SUSD5: variants seen among roughly 807,000 people sequenced by gnomAD.
SUSD5 encodes sushi domain containing 5, also known as sushi domain-containing protein 5.
SUSD5 carries 33 observed loss-of-function variants against 29.5 expected under a neutral mutation model. That is an observed-to-expected ratio of 1.12 (90% CI 0.85 to 1.49). The LOEUF is 1.49. SUSD5 is among the 40% of genes most tolerant of loss of function. The pLI, the probability that SUSD5 is intolerant of heterozygous loss-of-function variation, is 0.00. For missense variants in SUSD5, 776 were observed against 800.6 expected, an observed-to-expected ratio of 0.97 and a Z score of 0.37; for synonymous variants, 308 against 325.3, an observed-to-expected ratio of 0.95 and a Z score of 0.57.
chr3:33,176,216 A>G (rs2031549243), intron 3 of SUSD5, among the ~76,000 whole-genome samples: 2 of 152,174 alleles, frequency 1.3e-5, no homozygotes, highest in African/African-American at 4.8e-5. Context: ...CATTGTCTGG[A>G]TGTATCACAG....
intron 3 of SUSD5, among the ~76,000 whole-genome samples, chr3:33,200,857 T>C (rs2032103614): frequency 3.3e-5 from 5 of 152,190 alleles, no homozygotes; most frequent in Admixed American, 3.3e-4. Flanking sequence ...AGGCAGAACT[T>C]GCAAGCCATG....
chr3:33,153,493 G>T lies in SUSD5; in HGVS notation c.1139C>A (p.Ala380Asp), dbSNP rs1201117710. 5.0e-6 allele frequency: 8 copies of T among 1,613,822 alleles called. No individual in the cohort carries two copies. The highest frequency in any genetic ancestry group is 6.8e-6 in the Non-Finnish European group (8 of 1,179,956). The change falls in exon 5 of 5, where the codon GCT becomes GAT. Residue 380 changes from alanine (A) to aspartate (D), a missense_variant. Coordinates refer to ENST00000309558, the MANE Select transcript of SUSD5 (RefSeq NM_015551.2). ...CTCTTCTGCCTCTGTCTTCCTCCAAGCCCCCTCTGTCACAGGGTAGCCATC... is the reference window on the plus strand; with the variant it reads ...CTCTTCTGCCTCTGTCTTCCTCCAATCCCCCTCTGTCACAGGGTAGCCATC... Reference protein sequence around the residue: ...WLDGYPVTEGAWRKTEAEEEE... With the variant: ...WLDGYPVTEGDWRKTEAEEEE...
chr3:33,195,960 A>G (rs75664340), intron 3 of SUSD5, among the ~76,000 whole-genome samples: 2,056 of 152,280 alleles, frequency 0.014, 42 homozygotes, highest in East Asian at 0.083. Flanking sequence ...GTAAAAATGG[A>G]GCTAATGACA....
At chr3:33,196,266 A>C (rs1377613288) in intron 3 of SUSD5, among the ~76,000 whole-genome samples, 2 of 152,192 alleles carry the variant, frequency 1.3e-5, no homozygotes. Flanking sequence ...AGATAAAACC[A>C]GATATGAGCC....
chr3:33,208,745 A>G (rs12489830), intron 2 of SUSD5, among the ~76,000 whole-genome samples: 1,999 of 152,262 alleles, frequency 0.013, 40 homozygotes, highest in East Asian at 0.081. Context: ...ATTGAAATGT[A>G]TTATTACTTT....
chr3:33,190,159 A>G (rs1323529943), intron 3 of SUSD5: 3 of 153,074 alleles, frequency 2.0e-5, no homozygotes, highest in African/African-American at 7.2e-5. Flanking sequence ...TATGAGATTC[A>G]TTAAATTATG....
chr3:33,167,453 TTGTGTGTGTATGTG>T lies in SUSD5; in HGVS notation c.598+7419_598+7432del, dbSNP rs942350670. Among the ~76,000 whole-genome samples, 2 of 151,864 alleles carry T rather than the reference TTGTGTGTGTATGTG, an allele frequency of 1.3e-5. No homozygotes were observed. The highest frequency in any genetic ancestry group is 4.8e-5 in the African/African-American group (2 of 41,368). ...TGTGTATGCATGGATGTGCATGTGA[TTGTGTGTGTATGTG>T]TGTGTGTGTCTCTGTATGGGTGTCT... is the stretch of plus-strand genomic sequence containing the variant. On this transcript the variant is annotated intron_variant, in intron 4 of 4. Transcript: ENST00000309558. The surrounding 1 kb of genome is among the most constrained non-coding windows in gnomAD (Gnocchi z 4.1).
intron 4 of SUSD5, among the ~76,000 whole-genome samples, chr3:33,158,375 C>T (rs1348259910): frequency 6.6e-6 from 1 of 152,220 alleles, no homozygotes; most frequent in South Asian, 2.1e-4. Context: ...CCCTCACACA[C>T]TGGTGAGCAA....
intron 4 of SUSD5, among the ~76,000 whole-genome samples, chr3:33,159,756 G>C (rs1011222500): frequency 3.3e-5 from 5 of 152,016 alleles, no homozygotes; most frequent in Admixed American, 6.6e-5. Flanking sequence ...CTTACTGAAT[G>C]TGAATTTCTA....
chr3:33,180,229 C>T (rs925593988), intron 3 of SUSD5, among the ~76,000 whole-genome samples: 2 of 152,212 alleles, frequency 1.3e-5, no homozygotes, highest in Non-Finnish European at 2.9e-5. Context: ...ATGTGTCTTA[C>T]TGCCCCTGAA....
At chr3:33,157,922 A>G (rs2031090204) in intron 4 of SUSD5, among the ~76,000 whole-genome samples, 1 of 152,254 alleles carries the variant, frequency 6.6e-6, no homozygotes, top group South Asian at 2.1e-4. Context: ...TCATGCCACT[A>G]AGTTTTTGGG....
At chr3:33,156,202 A>T (rs1317528900) in intron 4 of SUSD5, among the ~76,000 whole-genome samples, 2 of 151,954 alleles carry the variant, frequency 1.3e-5, no homozygotes, top group African/African-American at 4.8e-5. Flanking sequence ...CACCACACCC[A>T]GCTAATTTTG....
intron 4 of SUSD5, among the ~76,000 whole-genome samples, chr3:33,169,243 G>A (rs970842627): frequency 1.3e-4 from 19 of 151,448 alleles, no homozygotes; most frequent in African/African-American, 4.1e-4. Flanking sequence ...TTTTTGGAAC[G>A]AAGTTTCGCT....
Position 33,153,606 on chromosome 3 carries a change from G to A in SUSD5, c.1026C>T (p.Asn342=). The A allele has an allele frequency of 6.2e-7, 1 of 1,614,028 alleles. No individual in the cohort carries two copies. The highest frequency in any genetic ancestry group is 8.5e-7 in the Non-Finnish European group (1 of 1,179,910). Residue 342 remains asparagine, a synonymous_variant, in exon 5 of 5, where the codon AAC becomes AAT. Transcript: ENST00000309558. ...CAAATGGCCCCGAGGGACCATCAGT[G>A]TTGCCGTAGATCACCTTGGTTTCAG... is the stretch of plus-strand genomic sequence containing the variant. ...GEPETKVIYG[N]TDGPSGPFVG... is the part of the protein sequence containing the mutation.
intron 4 of SUSD5, 105 bp downstream of exon 4, chr3:33,174,781 A>G: frequency 2.2e-6 from 3 of 1,353,970 alleles, no homozygotes; most frequent in East Asian, 2.4e-5. Flanking sequence ...CTCTTTTCAA[A>G]GGCACCTTGG....
chr3:33,212,367 C>CA lies in SUSD5; in HGVS notation c.290+1560dup, dbSNP rs11374125. On this transcript the variant is annotated intron_variant, in intron 2 of 4. Coordinates refer to ENST00000309558, the MANE Select transcript of SUSD5 (RefSeq NM_015551.2). ...GCAATAAGGCAAGACTTTGTTTCTA[C>CA]AAAAAAAACTAATAAATTAATAAAA... Among the ~76,000 whole-genome samples, 1,094 of 151,806 alleles carry CA rather than the reference C, an allele frequency of 7.2e-3. 12 individuals are homozygous for CA. The highest frequency in any genetic ancestry group is 0.025 in the African/African-American group (1,022 of 41,424).
intron 4 of SUSD5, among the ~76,000 whole-genome samples, chr3:33,166,995 A>G (rs2031317896): frequency 6.6e-6 from 1 of 152,122 alleles, no homozygotes; most frequent in Non-Finnish European, 1.5e-5. Flanking sequence ...CCTGGCCAAC[A>G]TGGCGAAACC....
chr3:33,178,189 T>C (rs958746949), intron 3 of SUSD5, among the ~76,000 whole-genome samples: 3 of 152,212 alleles, frequency 2.0e-5, no homozygotes, highest in African/African-American at 7.2e-5. Flanking sequence ...TTAGGAGTTT[T>C]TATCATGAAT....
rs1487607757 is a variant in SUSD5, at chr3:33,204,775, G to A, written c.409+3033C>T. Among the ~76,000 whole-genome samples the A allele has an allele frequency of 3.3e-5, 5 of 152,104 alleles. No individual in the cohort carries two copies. The highest frequency in any genetic ancestry group is 7.4e-5 in the Non-Finnish European group (5 of 68,016). On this transcript the variant is annotated intron_variant, in intron 3 of 4. Transcript: ENST00000309558. The surrounding 1 kb of genome is among the most constrained non-coding windows in gnomAD (Gnocchi z 4.5). ...CGATTCTCATGCCTCAGCCTCCTGA[G>A]TGGCTAGGATTACAGGCATGCACCA...
Sources: gnomAD v4.1 joint callset for allele counts (sites outside exome capture counted in the v4.1 genomes callset) on GRCh38, gnomAD v4.1.1 for gene constraint, Gnocchi (gnomAD v3.1) non-coding constraint, MANE v1.5 for transcripts, NCBI Gene and HGNC (gene_info 2026-07-23, HGNC 2026-07-21) for gene names.